Variants in COL28A1 observed in about 807,000 individuals in gnomAD.
COL28A1 encodes the protein collagen type XXVIII alpha 1 chain.
COL28A1 carries 161 observed loss-of-function variants against 150.2 expected under a neutral mutation model. The observed-to-expected ratio is 1.07, with a 90% CI of 0.94 to 1.22. The LOEUF (loss-of-function observed/expected upper bound fraction) is 1.22, where lower values mean the gene tolerates loss of function less well. Ranked by LOEUF, COL28A1 falls within the 50% of genes most tolerant of loss-of-function variation. The pLI, the probability that COL28A1 is intolerant of heterozygous loss-of-function variation, is 0.00. For synonymous variants in COL28A1, 552 were observed against 469.7 expected (o/e 1.18, Z -2.26); for missense variants, 1,617 against 1,388.3 (o/e 1.16, Z -2.62).
At position 7,374,547 on chromosome 7, in the gene COL28A1, A is replaced by G. The variant is rs144579978; in HGVS notation, c.2359+914T>C. ...CCCGAGAACACTAGTCAATTTAAAA[A>G]AACCTTCCATTTAGGTTGATAAACA... On this transcript the variant is annotated intron_variant, in intron 31 of 34. Coordinates refer to ENST00000399429, the MANE Select transcript of COL28A1 (RefSeq NM_001037763.3). 1.2e-3 allele frequency among the ~76,000 whole-genome samples: 189 copies of G among 152,322 alleles called. 1 individual carries two copies. In the Middle Eastern group the frequency reaches 0.024, roughly 19 times the overall value.
the COL28A1 span, among the ~76,000 whole-genome samples, chr7:7,341,074 A>G: frequency 6.6e-6 from 1 of 152,152 alleles, no homozygotes; most frequent in Middle Eastern, 3.2e-3. Flanking sequence ...GCTGTCCACA[A>G]TCCTTGCAAC....
intron 15 of COL28A1, among the ~76,000 whole-genome samples, chr7:7,458,564 C>G (rs541048062): frequency 4.3e-4 from 66 of 152,290 alleles, no homozygotes; most frequent in African/African-American, 1.6e-3. Context: ...AGTGCTCTAT[C>G]AACCTTTGAT....
At chr7:7,538,667 T>C (rs1782726692), upstream of COL28A1, among the ~76,000 whole-genome samples, 1 of 152,164 alleles carries the variant, frequency 6.6e-6, no homozygotes, top group African/African-American at 2.4e-5. Context: ...TAGAATCATT[T>C]AAAAAGAGAC....
intron 18 of COL28A1, among the ~76,000 whole-genome samples, chr7:7,448,627 T>C (rs1033598407): frequency 6.6e-6 from 1 of 151,512 alleles, no homozygotes; most frequent in African/African-American, 2.4e-5. Context: ...ACATTTTATT[T>C]ATGATAAAAT....
At chr7:7,429,375 C>T (rs570964665) in intron 25 of COL28A1, among the ~76,000 whole-genome samples, 1 of 151,382 alleles carries the variant, frequency 6.6e-6, no homozygotes, top group East Asian at 1.9e-4. Flanking sequence ...AATTATCTTC[C>T]TTTCTTTGCC....
chr7:7,411,907 G>A (rs73674532), intron 27 of COL28A1, among the ~76,000 whole-genome samples: 2,233 of 152,258 alleles, frequency 0.015, 52 homozygotes, highest in African/African-American at 0.051. Context: ...CATTCTGGAA[G>A]TTGCCATGGA....
chr7:7,396,554 T>G (rs1049187676), intron 27 of COL28A1, among the ~76,000 whole-genome samples: 6 of 152,226 alleles, frequency 3.9e-5, no homozygotes, highest in African/African-American at 1.2e-4. Flanking sequence ...ATGTCCCATA[T>G]AGATATGTTA....
intron 15 of COL28A1, among the ~76,000 whole-genome samples, chr7:7,456,545 T>C (rs1787186421): frequency 6.6e-6 from 1 of 152,206 alleles, no homozygotes; most frequent in Non-Finnish European, 1.5e-5. Context: ...TTATTGAAAA[T>C]GCATTTTGAA....
chr7:7,375,402 C>A, intron 31 of COL28A1, 59 bp downstream of exon 31: 1 of 1,469,952 alleles, frequency 6.8e-7, no homozygotes, highest in South Asian at 1.4e-5. Context: ...CTGTCACCAG[C>A]ACAGTACATA....
At chr7:7,348,476 A>ACTCTTC in the COL28A1 span, among the ~76,000 whole-genome samples, 3 of 151,300 alleles carry the variant, frequency 2.0e-5, no homozygotes, top group African/African-American at 7.3e-5. Flanking sequence ...TCACTCGCTC[A>ACTCTTC]CTCTCCCTCT....
chr7:7,477,411 G>A (rs183109779), intron 13 of COL28A1, among the ~76,000 whole-genome samples: 118 of 152,278 alleles, frequency 7.7e-4, no homozygotes, highest in African/African-American at 2.6e-3. Context: ...ATTAGGTATT[G>A]TAACTAATCT....
At chr7:7,473,122 GA>G (rs1788567186) in intron 15 of COL28A1, among the ~76,000 whole-genome samples, 1 of 152,274 alleles carries the variant, frequency 6.6e-6, no homozygotes, top group Non-Finnish European at 1.5e-5. Flanking sequence ...TTTAGGCAAG[GA>G]TTTCATGATG....
intron 18 of COL28A1, among the ~76,000 whole-genome samples, chr7:7,448,071 A>C (rs1008740262): frequency 6.6e-5 from 10 of 152,200 alleles, no homozygotes; most frequent in African/African-American, 2.2e-4. Context: ...CTCAAAACAA[A>C]AATAAAATCC....
intron 11 of COL28A1, among the ~76,000 whole-genome samples, chr7:7,505,808 A>G (rs562618312): frequency 6.6e-6 from 1 of 152,352 alleles, no homozygotes; most frequent in South Asian, 2.1e-4. Flanking sequence ...CCCTCTTTGA[A>G]TAACATAATA....
At chr7:7,390,316 C>A (rs1042815738) in intron 27 of COL28A1, among the ~76,000 whole-genome samples, 4 of 152,168 alleles carry the variant, frequency 2.6e-5, no homozygotes, top group African/African-American at 9.7e-5. Context: ...GTATGTTGAA[C>A]CAGCCTTGCA....
intron 13 of COL28A1, among the ~76,000 whole-genome samples, chr7:7,486,553 CATA>C (rs1779635741): frequency 6.6e-6 from 1 of 152,134 alleles, no homozygotes; most frequent in Admixed American, 6.5e-5. Context: ...CACTATTACG[CATA>C]ATGTTAGCTC....
intron 27 of COL28A1, among the ~76,000 whole-genome samples, chr7:7,404,690 C>T (rs1027012147): frequency 6.6e-5 from 10 of 152,020 alleles, no homozygotes; most frequent in African/African-American, 1.9e-4. Flanking sequence ...AACCCCCTAC[C>T]GTGCTCTCCT....
intron 4 of COL28A1, 30 bp from the exon 5 acceptor site, chr7:7,521,991 A>C (rs368595522): frequency 9.6e-5 from 85 of 882,182 alleles, no homozygotes; most frequent in Non-Finnish European, 1.6e-4. Context: ...TGATATTAAC[A>C]CACAGTGAAA....
intron 25 of COL28A1, among the ~76,000 whole-genome samples, chr7:7,426,414 T>G (rs1411222687): frequency 6.6e-6 from 1 of 152,204 alleles, no homozygotes; most frequent in Non-Finnish European, 1.5e-5. Context: ...AATGGAAGTT[T>G]TAGAGGCTTT....
Sources: allele counts gnomAD v4.1 joint callset (sites outside exome capture counted in the v4.1 genomes callset), GRCh38; gene constraint gnomAD v4.1.1; transcripts MANE v1.5; gene names NCBI Gene and HGNC (gene_info 2026-07-23, HGNC 2026-07-21).